The following ZNF708 variants were observed in gnomAD, a reference collection of about 807,000 sequenced individuals.
The protein encoded by ZNF708 is ZNF15, ZNF15L1.
In ZNF708, 44 loss-of-function variants were observed where a neutral mutation model predicts 47.0. The observed-to-expected ratio is 0.94, with a 90% CI of 0.74 to 1.20. ZNF708 has a LOEUF of 1.20. ZNF708 is among the 50% of genes most tolerant of loss of function. ZNF708 has a pLI of 0.00. For synonymous variants in ZNF708, 184 were observed against 218.5 expected, an observed-to-expected ratio of 0.84 and a Z score of 1.39; for missense variants, 557 against 656.0, an observed-to-expected ratio of 0.85 and a Z score of 1.65.
intron 3 of ZNF708, among the ~76,000 whole-genome samples, chr19:21,298,972 TATG>T (rs762703770): frequency 1.5e-4 from 23 of 152,358 alleles, no homozygotes; most frequent in Non-Finnish European, 2.8e-4. Context: ...ACAGAGATTG[TATG>T]ATATGTCTAA....
chr19:21,306,969 A>G lies in ZNF708; in HGVS notation c.226+2277T>C, dbSNP rs1468161353. ...CAAAAGAAAAATAACATAACATAAC[A>G]TAACATAACATAACATAACATAACA... On this transcript the variant is annotated intron_variant, in intron 3 of 3. Coordinates refer to ENST00000356929, the MANE Select transcript of ZNF708 (RefSeq NM_021269.3). 5.5e-5 allele frequency: 8 copies of G among 145,554 alleles called. No individual in the cohort carries two copies. In the South Asian group the frequency reaches 1.3e-3, roughly 24 times the overall value. The allele number at this position is 145,554 out of a possible 1,614,324, so 9.0% of individuals were successfully genotyped here.
intron 1 of ZNF708, among the ~76,000 whole-genome samples, chr19:21,313,526 C>G (rs1285533876): frequency 6.6e-6 from 1 of 151,820 alleles, no homozygotes; most frequent in Non-Finnish European, 1.5e-5. Flanking sequence ...TTGGGAGGCC[C>G]AGGCGGGCAG....
chr19:21,301,161 A>G (rs1972651844), intron 3 of ZNF708, among the ~76,000 whole-genome samples: 1 of 152,172 alleles, frequency 6.6e-6, no homozygotes, highest in South Asian at 2.1e-4. Context: ...AGAAAAAGTA[A>G]TATGAGGACA....
intron 3 of ZNF708, among the ~76,000 whole-genome samples, chr19:21,300,961 G>A (rs1420062555): frequency 1.3e-5 from 2 of 151,758 alleles, no homozygotes; most frequent in Non-Finnish European, 2.9e-5. Flanking sequence ...TGCCCGGCCT[G>A]TCATACACAA....
chr19:21,319,503 G>A (rs1420332704), intron 1 of ZNF708, among the ~76,000 whole-genome samples: 2 of 151,680 alleles, frequency 1.3e-5, no homozygotes, highest in African/African-American at 4.8e-5. Context: ...GCCCAGGCTG[G>A]AGAGGAATGG....
intron 3 of ZNF708, among the ~76,000 whole-genome samples, chr19:21,306,617 G>C (rs1323555876): frequency 5.3e-5 from 8 of 152,112 alleles, no homozygotes; most frequent in Non-Finnish European, 1.2e-4. Context: ...TTGATTGTTG[G>C]TAGAAAACAA....
chr19:21,298,656 T>A (rs947722979), intron 3 of ZNF708, among the ~76,000 whole-genome samples: 2 of 149,294 alleles, frequency 1.3e-5, no homozygotes, highest in African/African-American at 2.5e-5. Context: ...CAAAGCTACA[T>A]AATAAAAACA....
chr19:21,313,573 C>T lies in ZNF708; in HGVS notation c.4-2946G>A, dbSNP rs1441781404. On this transcript the variant is annotated intron_variant, in intron 1 of 3. Coordinates refer to ENST00000356929, the MANE Select transcript of ZNF708 (RefSeq NM_021269.3). Reference sequence around the variant, plus strand: ...AGGAGTTTGAGACCAGCCTAGCCAACATGGTGAAGCCCCGTCTCTACTAAA... The same window carrying T: ...AGGAGTTTGAGACCAGCCTAGCCAATATGGTGAAGCCCCGTCTCTACTAAA... Among the ~76,000 whole-genome samples the T allele has an allele frequency of 2.0e-5, 3 of 151,954 alleles. No homozygotes were observed. The East Asian group carries it at 5.8e-4, about 29-fold the overall frequency.
At chr19:21,295,175 T>C (rs1972504852) in intron 3 of ZNF708, among the ~76,000 whole-genome samples, 1 of 152,164 alleles carries the variant, frequency 6.6e-6, no homozygotes, top group Non-Finnish European at 1.5e-5. Context: ...TGACATAAAG[T>C]GCTAAAAGAA....
chr19:21,320,172 T>TA (rs1234055260), intron 1 of ZNF708, among the ~76,000 whole-genome samples: 8 of 144,296 alleles, frequency 5.5e-5, no homozygotes, highest in Admixed American at 1.4e-4. Context: ...CAAGACTCAG[T>TA]CAAAAAAAAG....
At chr19:21,299,776 A>G (rs191335194) in intron 3 of ZNF708, among the ~76,000 whole-genome samples, 1 of 151,394 alleles carries the variant, frequency 6.6e-6, no homozygotes, top group Non-Finnish European at 1.5e-5. Context: ...CCATCTCAAA[A>G]AAAAAAAAAA....
intron 3 of ZNF708, among the ~76,000 whole-genome samples, chr19:21,305,230 C>T (rs1316582694): frequency 2.0e-5 from 3 of 151,366 alleles, no homozygotes; most frequent in Non-Finnish European, 4.4e-5. Context: ...GGGATGGTCT[C>T]GATCTCTTGA....
Position 21,293,226 on chromosome 19 carries a change from AT to A in ZNF708, c.*47del. The A allele has an allele frequency of 6.4e-7, 1 of 1,563,546 alleles. No individual in the cohort carries two copies. The highest frequency in any genetic ancestry group is 1.2e-5 in the South Asian group (1 of 85,286). On this transcript the variant is annotated 3_prime_UTR_variant, in exon 4 of 4. Transcript: ENST00000356929. ...GTAGGATTTCTCTCCAGTATGAATT[AT>A]CTTGTGTTTTAATAAAAGTTGAAAA...
intron 3 of ZNF708, among the ~76,000 whole-genome samples, chr19:21,297,073 C>T (rs1482166702): frequency 6.6e-6 from 1 of 150,930 alleles, no homozygotes; most frequent in East Asian, 1.9e-4. Flanking sequence ...GTGGAGGTTG[C>T]AGTGAGCCAT....
intron 3 of ZNF708, among the ~76,000 whole-genome samples, chr19:21,302,782 T>G (rs1032855425): frequency 6.6e-6 from 1 of 151,970 alleles, no homozygotes; most frequent in Non-Finnish European, 1.5e-5. Flanking sequence ...AAAGATAATA[T>G]TTATCGAAAG....
At chr19:21,296,853 C>T (rs1030202099) in intron 3 of ZNF708, among the ~76,000 whole-genome samples, 2 of 151,904 alleles carry the variant, frequency 1.3e-5, no homozygotes, top group South Asian at 4.2e-4. Context: ...TAATTAGTGG[C>T]CAGGCACAGT....
intron 3 of ZNF708, among the ~76,000 whole-genome samples, chr19:21,298,190 C>T (rs954078060): frequency 2.6e-5 from 4 of 151,858 alleles, no homozygotes; most frequent in Admixed American, 2.6e-4. Context: ...TTATTTCTAA[C>T]AGAGGTATAG....
rs1267714390 is a variant in ZNF708, at chr19:21,301,756, C to T, written c.227-7017G>A. ...AGATTGCAGTTAGCCGAGATCACAT[C>T]ACTGCACTCCAACCTGGGCAACAGA... is the stretch of plus-strand genomic sequence containing the variant. On this transcript the variant is annotated intron_variant, in intron 3 of 3. Transcript: ENST00000356929. Among the ~76,000 whole-genome samples, 3 of 152,152 alleles carry T rather than the reference C, an allele frequency of 2.0e-5. No individual in the cohort carries two copies. The East Asian group carries it at 5.8e-4, about 29-fold the overall frequency.
At chr19:21,322,363 G>A (rs756590998) in intron 1 of ZNF708, among the ~76,000 whole-genome samples, 20 of 151,214 alleles carry the variant, frequency 1.3e-4, no homozygotes, top group African/African-American at 3.7e-4. Flanking sequence ...GTGCAGTGGC[G>A]CAATCTTGGC....
Sources: allele counts gnomAD v4.1 joint callset (sites outside exome capture counted in the v4.1 genomes callset), GRCh38; gene constraint gnomAD v4.1.1; transcripts MANE v1.5; gene names NCBI Gene and HGNC (gene_info 2026-07-23, HGNC 2026-07-21).